CLMN: variants seen among roughly 807,000 people sequenced by gnomAD.
The protein encoded by CLMN is calmin, also known as calmin (calponin-like, transmembrane).
CLMN carries 57 observed loss-of-function variants against 92.7 expected under a neutral mutation model. That is an observed-to-expected ratio of 0.61 (90% CI 0.50 to 0.77). The LOEUF is 0.77. CLMN is among the 30% of genes least tolerant of loss of function. The pLI is 0.00. For synonymous variants in CLMN, 466 were observed against 470.6 expected (o/e 0.99, Z 0.13); for missense variants, 1,158 against 1,237.5 (o/e 0.94, Z 0.96).
chr14:95,236,761 G>A (rs1467136086), intron 1 of CLMN, among the ~76,000 whole-genome samples: 1 of 152,220 alleles, frequency 6.6e-6, no homozygotes, highest in Non-Finnish European at 1.5e-5. Flanking sequence ...GACAATGTCA[G>A]TTCTGTACTT....
intron 1 of CLMN, among the ~76,000 whole-genome samples, chr14:95,238,098 C>T (rs1898117179): frequency 6.6e-6 from 1 of 152,170 alleles, no homozygotes; most frequent in Admixed American, 6.5e-5. Flanking sequence ...GTAGAGGAGC[C>T]AGCCCTCAGA....
At position 95,251,383 on chromosome 14, in the gene CLMN, T is replaced by C. The variant is rs560098064; in HGVS notation, c.83-21250A>G. On this transcript the variant is annotated intron_variant, in intron 1 of 12. Transcript: ENST00000298912. ...AAAAGGGACTCGTCTCCTAGTCAAG[T>C]GGTCTTTGCACTCTTTAAAACACAT... Among the ~76,000 whole-genome samples, 5 of 152,322 alleles carry C rather than the reference T, an allele frequency of 3.3e-5. No homozygotes were observed. In the East Asian group the frequency reaches 9.7e-4, roughly 29 times the overall value.
chr14:95,284,423 T>G (rs1900260885), intron 1 of CLMN, among the ~76,000 whole-genome samples: 1 of 152,206 alleles, frequency 6.6e-6, no homozygotes, highest in Non-Finnish European at 1.5e-5. Flanking sequence ...GGCCACCATC[T>G]TCCAGAACCC....
At position 95,240,720 on chromosome 14, in the gene CLMN, C is replaced by A. The variant is rs77832747; in HGVS notation, c.83-10587G>T. ...CAAGGAAGGAAGGGAGGAAATCAACCTTTATAAAGCCTCGTAATTCTCCCA... is the reference window on the plus strand; with the variant it reads ...CAAGGAAGGAAGGGAGGAAATCAACATTTATAAAGCCTCGTAATTCTCCCA... On this transcript the variant is annotated intron_variant, in intron 1 of 12. Transcript: ENST00000298912. Among the ~76,000 whole-genome samples the A allele has an allele frequency of 4.5e-3, 681 of 152,322 alleles. 4 individuals carry two copies. The highest frequency in any genetic ancestry group is 0.015 in the African/African-American group (633 of 41,560).
chr14:95,245,207 A>ATT (rs1172590233), intron 1 of CLMN, among the ~76,000 whole-genome samples: 1 of 24,510 alleles, frequency 4.1e-5, no homozygotes, highest in Non-Finnish European at 6.5e-5. Flanking sequence ...ATATATATAT[A>ATT]TTATATATAT....
rs1487010494 is a variant in CLMN, at chr14:95,184,227, C to CA, written c.*7336dup. ...CCAAGATCACCCAGAGATCTGGTGA[C>CA]AGAGCTGGGACTCCAATCTAAATCT... On this transcript the variant is annotated 3_prime_UTR_variant, in exon 13 of 13. Coordinates refer to ENST00000298912, the MANE Select transcript of CLMN (RefSeq NM_024734.4). 11 of 152,220 alleles carry CA rather than the reference C, an allele frequency of 7.2e-5. No individual in the cohort carries two copies. The highest frequency in any genetic ancestry group is 2.7e-4 in the African/African-American group (11 of 41,462). The allele number at this position is 152,220 out of a possible 1,614,324, so 9.4% of individuals were successfully genotyped here. A position where few individuals can be genotyped will look rare whatever the true frequency, so the allele number is the denominator to read the frequency against.
At chr14:95,213,133 C>A in intron 6 of CLMN, 86 bp downstream of exon 6, 1 of 1,422,092 alleles carries the variant, frequency 7.0e-7, no homozygotes, top group African/African-American at 1.4e-5. Context: ...ACATAACTGG[C>A]ACCTTAATAA....
rs1896944120 is a variant in CLMN at position 95,203,361 on chromosome 14, C to G, written c.1988G>C (p.Arg663Thr). 1.2e-6 allele frequency: 2 copies of G among 1,613,984 alleles called. No individual in the cohort carries two copies. The highest frequency in any genetic ancestry group is 1.7e-6 in the Non-Finnish European group (2 of 1,180,044). The change falls in exon 9 of 13, where the codon AGA (arginine) becomes ACA (threonine). Residue 663 changes from arginine to threonine, a missense_variant. Transcript: ENST00000298912. Reference sequence around the variant, plus strand: ...CTCATAATGAGGACGGGTGGACTTTCTCTTGGCCTTTTCATGCACCTCTGG... The same window carrying G: ...CTCATAATGAGGACGGGTGGACTTTGTCTTGGCCTTTTCATGCACCTCTGG... ...KKPEVHEKAKRKSTRPHYEEE... is the reference protein window; with the variant it reads ...KKPEVHEKAKTKSTRPHYEEE...
chr14:95,286,505 G>A (rs1900348413), intron 1 of CLMN, among the ~76,000 whole-genome samples: 1 of 152,220 alleles, frequency 6.6e-6, no homozygotes, highest in Non-Finnish European at 1.5e-5. Context: ...ACTCCTTAAT[G>A]TGTTGGGTCT....
In CLMN at chr14:95,213,324, G is replaced by C; in HGVS notation, c.503C>G (p.Ser168Cys). The C allele has an allele frequency of 1.9e-6, 3 of 1,614,020 alleles. No homozygotes were observed. Among genetic ancestry groups the C allele is most frequent in the Middle Eastern group, 1.7e-4 (1 of 6,060 alleles). ...CTCTGCAGTGGGTGTGGGTGGGAAG[G>C]ATGAGTCTGAGTCTGTGCCCCCTGA... is the stretch of plus-strand genomic sequence containing the variant. Reference protein sequence around the residue: ...PGSGGTDSDSSFPPTPTAERS... With the variant: ...PGSGGTDSDSCFPPTPTAERS... Residue 168 changes from serine to cysteine, a missense_variant, in exon 6 of 13, where the codon TCC (serine) becomes TGC (cysteine). Physicochemically the swap from Ser to Cys is moderately radical, Grantham distance 112. Transcript: ENST00000298912.
intron 4 of CLMN, among the ~76,000 whole-genome samples, chr14:95,221,306 C>A (rs908882589): frequency 2.6e-5 from 4 of 152,190 alleles, no homozygotes; most frequent in Non-Finnish European, 4.4e-5. Flanking sequence ...CCCTCTTCCC[C>A]TTCTTCTCCC....
At position 95,252,371 on chromosome 14, in the gene CLMN, G is replaced by T. The variant is rs115760131; in HGVS notation, c.83-22238C>A. On this transcript the variant is annotated intron_variant, in intron 1 of 12. Coordinates refer to ENST00000298912, the MANE Select transcript of CLMN (RefSeq NM_024734.4). ...TGCCTTGAAGATAAAATGAGAGCTG[G>T]TATTTACAAAGTGCTTGGAATCTGA... Among the ~76,000 whole-genome samples, 726 of 152,216 alleles carry T rather than the reference G, an allele frequency of 4.8e-3. 4 individuals carry two copies. Among genetic ancestry groups the T allele is most frequent in the African/African-American group, 0.016 (682 of 41,526 alleles).
At chr14:95,297,708 G>A (rs998488912) in intron 1 of CLMN, among the ~76,000 whole-genome samples, 3 of 152,038 alleles carry the variant, frequency 2.0e-5, no homozygotes, top group Non-Finnish European at 4.4e-5. Context: ...TCTTCCTCCT[G>A]AGCAGTATTC....
intron 2 of CLMN, among the ~76,000 whole-genome samples, chr14:95,226,330 T>C (rs1897710375): frequency 6.6e-6 from 1 of 151,948 alleles, no homozygotes; most frequent in Non-Finnish European, 1.5e-5. Context: ...GTTCAGGGAG[T>C]AATGACAAGA....
rs1282653499 is a variant in CLMN, at chr14:95,292,389, CACAA to C, written c.82+27318_82+27321del. On this transcript the variant is annotated intron_variant, in intron 1 of 12. Transcript: ENST00000298912. The stretch of plus-strand genomic sequence containing the variant: ...CCCCTAGGATGGTTTAAAATAACAA[CACAA>C]ACAAACACCAGTAATGAGATCTGCC... 1.7e-4 allele frequency among the ~76,000 whole-genome samples: 26 copies of C among 151,916 alleles called. No homozygotes were observed. The South Asian group carries it at 2.7e-3, about 16-fold the overall frequency.
intron 1 of CLMN, among the ~76,000 whole-genome samples, chr14:95,313,754 C>T (rs1034232513): frequency 1.3e-5 from 2 of 152,096 alleles, no homozygotes; most frequent in Non-Finnish European, 2.9e-5. Context: ...CTTTATTTTT[C>T]TCTCTTCTTC....
At chr14:95,279,226 G>A (rs1337125497) in intron 1 of CLMN, among the ~76,000 whole-genome samples, 2 of 152,158 alleles carry the variant, frequency 1.3e-5, no homozygotes, top group African/African-American at 4.8e-5. Flanking sequence ...TAGTTTTAAA[G>A]GTTATTGGTA....
Position 95,319,884 on chromosome 14 carries a change from G to T in CLMN, c.-92C>A. 1 of 662,758 alleles carries T rather than the reference G, an allele frequency of 1.5e-6. No homozygotes were observed. The highest frequency in any genetic ancestry group is 1.8e-6 in the Non-Finnish European group (1 of 542,662). 41.1% of individuals were successfully genotyped at this position (662,758 alleles called of 1,614,324 possible). On this transcript the variant is annotated 5_prime_UTR_variant, in exon 1 of 13. Transcript: ENST00000298912. ...GGCGCGCGAGCGGCACGCACCCGGC[G>T]AGGGCGCCGCGGAGCTGGAGTCGCG...
At chr14:95,238,746 A>G (rs974739831) in intron 1 of CLMN, among the ~76,000 whole-genome samples, 2 of 152,034 alleles carry the variant, frequency 1.3e-5, no homozygotes, top group African/African-American at 2.4e-5. Context: ...TCCCCAATAC[A>G]TGCCCGCAGA....
Sources: gnomAD v4.1 joint callset for allele counts (sites outside exome capture counted in the v4.1 genomes callset) on GRCh38, gnomAD v4.1.1 for gene constraint, MANE v1.5 for transcripts, NCBI Gene and HGNC (gene_info 2026-07-23, HGNC 2026-07-21) for gene names.